APBA2: variants seen among roughly 807,000 people sequenced by gnomAD.
APBA2 encodes the protein amyloid-beta A4 precursor protein-binding family A member 2.
Under a neutral mutation model 75.0 loss-of-function variants are expected in APBA2, and 30 were observed. The ratio of observed to expected loss-of-function variants is 0.40; its 90% CI spans 0.30 to 0.54. The LOEUF (loss-of-function observed/expected upper bound fraction) is 0.54. APBA2 is among the 20% of genes least tolerant of loss of function. The pLI, the probability that APBA2 is intolerant of heterozygous loss-of-function variation, is 0.49. For missense variants in APBA2, 801 were observed against 1,016.1 expected (o/e 0.79, Z 2.88); for synonymous variants, 444 against 409.6 (o/e 1.08, Z -1.01).
At chr15:28,924,287 A>G (rs1714208837) in intron 2 of APBA2, among the ~76,000 whole-genome samples, 1 of 152,254 alleles carries the variant, frequency 6.6e-6, no homozygotes, top group Non-Finnish European at 1.5e-5. Context: ...AACATTAGCC[A>G]TTAACCAGTT....
chr15:29,108,273 C>G lies in APBA2; in HGVS notation c.1921C>G (p.Leu641Val). 1.2e-6 allele frequency: 2 copies of G among 1,613,856 alleles called. No individual in the cohort carries two copies. The highest frequency in any genetic ancestry group is 2.2e-5 in the East Asian group (1 of 44,882). ...CTCCTGTCCCCGTGCTCTGCAGGGCCTGAAGAACCAGACACAGGTGAAGCT... is the reference window on the plus strand; with the variant it reads ...CTCCTGTCCCCGTGCTCTGCAGGGCGTGAAGAACCAGACACAGGTGAAGCT... ...LATCQGIIKG[L>V]KNQTQVKLNI... Residue 641 changes from leucine to valine, a missense_variant, in exon 13 of 15, where the codon CTG becomes GTG. By Grantham distance (32) the Leu-to-Val change is conservative. Transcript: ENST00000683413.
intron 3 of APBA2, among the ~76,000 whole-genome samples, chr15:29,001,900 G>T (rs565265646): frequency 6.6e-6 from 1 of 152,314 alleles, no homozygotes; most frequent in South Asian, 2.1e-4. Context: ...AGCCATTTCT[G>T]TATGTAACTT....
chr15:29,084,617 ATTTG>A (rs2043209699), intron 6 of APBA2, among the ~76,000 whole-genome samples: 1 of 152,190 alleles, frequency 6.6e-6, no homozygotes, highest in Admixed American at 6.5e-5. Context: ...GCCATTAAAT[ATTTG>A]TTTTTGTTTG....
Position 29,054,634 on chromosome 15 carries a change from C to T in APBA2, c.750C>T (p.Pro250=), listed in dbSNP as rs746321642. 2.7e-5 allele frequency: 44 copies of T among 1,614,026 alleles called. 1 individual carries two copies. Among genetic ancestry groups the T allele is most frequent in the East Asian group, 1.3e-4 (6 of 44,864 alleles). The change falls in exon 4 of 15, where the codon CCC becomes CCT. Residue 250 remains proline, a synonymous_variant. Coordinates refer to ENST00000683413, the MANE Select transcript of APBA2 (RefSeq NM_001353788.2). The surrounding 1 kb of genome is among the most constrained non-coding windows in gnomAD (Gnocchi z 6.1). ...TSITSASEAS[P]EHGPEPGPED... ...TCACCAGCGCCAGTGAGGCCAGCCCCGAGCATGGGCCTGAGCCAGGGCCTG... is the reference window on the plus strand; with the variant it reads ...TCACCAGCGCCAGTGAGGCCAGCCCTGAGCATGGGCCTGAGCCAGGGCCTG...
chr15:29,044,902 C>G (rs2041227977), intron 3 of APBA2, among the ~76,000 whole-genome samples: 1 of 152,144 alleles, frequency 6.6e-6, no homozygotes, highest in African/African-American at 2.4e-5. Context: ...AGTCTGTGAT[C>G]AAGGTATGGG....
At chr15:29,067,258 C>A (rs1028773915) in intron 4 of APBA2, among the ~76,000 whole-genome samples, 1 of 152,134 alleles carries the variant, frequency 6.6e-6, no homozygotes, top group Admixed American at 6.5e-5. Context: ...GGACAAATAT[C>A]CAAACTATAT....
intron 1 of APBA2, among the ~76,000 whole-genome samples, chr15:28,911,734 G>C (rs2152651128): frequency 6.6e-6 from 1 of 152,308 alleles, no homozygotes; most frequent in Non-Finnish European, 1.5e-5. Flanking sequence ...CCCCTTGGCT[G>C]TGCTGAGCCC....
In APBA2 at chr15:29,098,122, G is replaced by A. The variant is rs567779549; in HGVS notation, c.1252-368G>A. ...TGCTGCCGTGAGCATGGGAGTGCAG[G>A]TGTCTCCTAGACACGCTGATTTCAC... On this transcript the variant is annotated intron_variant, in intron 8 of 14. Transcript: ENST00000683413. Among the ~76,000 whole-genome samples, 313 of 152,272 alleles carry A rather than the reference G, an allele frequency of 2.1e-3. 1 individual carries two copies. The highest frequency in any genetic ancestry group is 3.7e-3 in the Non-Finnish European group (252 of 68,026).
At chr15:28,940,135 T>G (rs1363724275) in intron 2 of APBA2, among the ~76,000 whole-genome samples, 1 of 151,986 alleles carries the variant, frequency 6.6e-6, no homozygotes, top group Non-Finnish European at 1.5e-5. Context: ...ATTACTGATG[T>G]GATCTTTTAA....
At chr15:28,957,402 C>T (rs28398028) in intron 2 of APBA2, among the ~76,000 whole-genome samples, 17,392 of 152,150 alleles carry the variant, frequency 0.11, 2,958 homozygotes, top group African/African-American at 0.37. Context: ...TCACTTCCTT[C>T]GGGCATACCC....
At chr15:29,033,964 C>CAAAAAAAA (rs34808408) in intron 3 of APBA2, among the ~76,000 whole-genome samples, 9 of 39,520 alleles carry the variant, frequency 2.3e-4, no homozygotes, top group African/African-American at 3.5e-4. Context: ...GACTCCATCT[C>CAAAAAAAA]AAAAAAAAAA....
At chr15:29,007,497 G>C (rs1031376612) in intron 3 of APBA2, among the ~76,000 whole-genome samples, 5 of 152,196 alleles carry the variant, frequency 3.3e-5, no homozygotes, top group African/African-American at 1.2e-4. Flanking sequence ...AGGGTTAATA[G>C]CCAGAATGTG....
At chr15:28,943,700 C>A (rs148821595) in intron 2 of APBA2, among the ~76,000 whole-genome samples, 1 of 152,286 alleles carries the variant, frequency 6.6e-6, no homozygotes, top group Non-Finnish European at 1.5e-5. Flanking sequence ...GAATCATGGG[C>A]CCTTCTCCCC....
At chr15:29,052,145 G>A (rs1026578045) in intron 3 of APBA2, among the ~76,000 whole-genome samples, 4 of 152,072 alleles carry the variant, frequency 2.6e-5, no homozygotes, top group Non-Finnish European at 5.9e-5. Context: ...AAACATTTGG[G>A]GAAGCAATTA....
intron 1 of APBA2, among the ~76,000 whole-genome samples, chr15:28,911,954 G>A (rs2033448863): frequency 6.6e-6 from 1 of 152,206 alleles, no homozygotes; most frequent in Non-Finnish European, 1.5e-5. Context: ...GGAACATATT[G>A]TTTTAAAAGC....
At chr15:28,930,099 A>G (rs1411292392) in intron 2 of APBA2, among the ~76,000 whole-genome samples, 3 of 152,114 alleles carry the variant, frequency 2.0e-5, no homozygotes, top group Non-Finnish European at 4.4e-5. Flanking sequence ...GGCAAAAGCT[A>G]TGTCTCCCGT....
At chr15:29,007,572 A>G (rs1217194162) in intron 3 of APBA2, among the ~76,000 whole-genome samples, 1 of 152,234 alleles carries the variant, frequency 6.6e-6, no homozygotes, top group Non-Finnish European at 1.5e-5. Flanking sequence ...AAAGGGCTTG[A>G]ATAAACATTT....
chr15:28,950,481 G>T (rs1041419077), intron 2 of APBA2, among the ~76,000 whole-genome samples: 1 of 152,046 alleles, frequency 6.6e-6, no homozygotes, highest in Non-Finnish European at 1.5e-5. Flanking sequence ...CAAAAAATTA[G>T]CCAGGCGTGG....
chr15:29,001,503 C>T (rs995524664), intron 3 of APBA2, among the ~76,000 whole-genome samples: 1 of 152,270 alleles, frequency 6.6e-6, no homozygotes, highest in East Asian at 1.9e-4. Flanking sequence ...GAGCCACTGC[C>T]TCTAGACTTT....
Sources: gnomAD v4.1 joint callset for allele counts (sites outside exome capture counted in the v4.1 genomes callset) on GRCh38, gnomAD v4.1.1 for gene constraint, Gnocchi (gnomAD v3.1) non-coding constraint, MANE v1.5 for transcripts, NCBI Gene and HGNC (gene_info 2026-07-23, HGNC 2026-07-21) for gene names.